ATP2A2: variants seen among roughly 807,000 people sequenced by gnomAD.
ATP2A2 encodes ATPase sarcoplasmic/endoplasmic reticulum Ca2+ transporting 2.
In ATP2A2, 14 loss-of-function variants were observed where a neutral mutation model predicts 109.3. That is an observed-to-expected ratio of 0.13 (90% CI 0.08 to 0.20). The LOEUF is 0.20. ATP2A2 is among the 10% of genes least tolerant of loss of function. The pLI is 1.00. For synonymous variants in ATP2A2, 506 were observed against 490.9 expected, an observed-to-expected ratio of 1.03 and a Z score of -0.41; for missense variants, 657 against 1,321.6, an observed-to-expected ratio of 0.50 and a Z score of 7.80.
At position 110,301,562 on chromosome 12, in the gene ATP2A2, T is replaced by C. The variant is rs139386903; in HGVS notation, c.463+4825T>C. Among the ~76,000 whole-genome samples the C allele has an allele frequency of 6.9e-3, 1,046 of 152,310 alleles. 1 individual carries two copies. The highest frequency in any genetic ancestry group is 9.4e-3 in the Non-Finnish European group (642 of 68,028). ...AACTCCGTTTCCTTGGTCAGCACACTAGTCTAGCCATCATCTCACACCGCA... is the reference window on the plus strand; with the variant it reads ...AACTCCGTTTCCTTGGTCAGCACACCAGTCTAGCCATCATCTCACACCGCA... On this transcript the variant is annotated intron_variant, in intron 5 of 19. Transcript: ENST00000539276.
In ATP2A2 at chr12:110,302,568, ATTT is replaced by A. The variant is rs1322525268; in HGVS notation, c.463+5834_463+5836del. ...TGACGTTGGGCTCTGTTTTTCTTTA[ATTT>A]TTATTTTTATTACTATTATTATTAT... On this transcript the variant is annotated intron_variant, in intron 5 of 19. Transcript: ENST00000539276. Among the ~76,000 whole-genome samples, 529 of 128,368 alleles carry A rather than the reference ATTT, an allele frequency of 4.1e-3. 5 individuals are homozygous for A. Among genetic ancestry groups the A allele is most frequent in the African/African-American group, 0.016 (515 of 32,164 alleles). 84.2% of individuals were successfully genotyped at this position (128,368 alleles called of 152,430 possible). A position where few individuals can be genotyped will look rare whatever the true frequency, so the allele number is the denominator to read the frequency against.
Position 110,347,582 on chromosome 12 carries a change from G to T in ATP2A2, c.*1112G>T, listed in dbSNP as rs1427684797. On this transcript the variant is annotated 3_prime_UTR_variant, in exon 20 of 20. Coordinates refer to ENST00000539276, the MANE Select transcript of ATP2A2 (RefSeq NM_170665.4). Reference sequence around the variant, plus strand: ...GGCAAGTGTGTATGTGTGTGTATGTGTGTGTTTTGTAAAATCTGTAAATAG... The same window carrying T: ...GGCAAGTGTGTATGTGTGTGTATGTTTGTGTTTTGTAAAATCTGTAAATAG... 1.6e-6 allele frequency: 2 copies of T among 1,247,088 alleles called. No homozygotes were observed. The highest frequency in any genetic ancestry group is 2.6e-5 in the Admixed American group (1 of 38,060). The allele number at this position is 1,247,088 out of a possible 1,614,324, so 77.3% of individuals were successfully genotyped here.
intron 1 of ATP2A2, 66 bp from the exon 2 acceptor site, chr12:110,282,538 G>C: frequency 1.3e-6 from 2 of 1,577,846 alleles, no homozygotes; most frequent in Non-Finnish European, 1.7e-6. Context: ...GTGCTAAAAT[G>C]TCTCTCTCTT....
At chr12:110,306,364 T>A (rs1252266829) in intron 5 of ATP2A2, among the ~76,000 whole-genome samples, 4 of 152,170 alleles carry the variant, frequency 2.6e-5, no homozygotes, top group Admixed American at 6.5e-5. Flanking sequence ...TTAATTAAAA[T>A]TTTTAGATTC....
At position 110,281,665 on chromosome 12, in the gene ATP2A2, G is replaced by A. The variant is rs1872097362; in HGVS notation, c.-125G>A. 1.9e-6 allele frequency: 1 copy of A among 522,830 alleles called. No individual in the cohort carries two copies. The highest frequency in any genetic ancestry group is 3.8e-5 in the East Asian group (1 of 26,044). The allele number at this position is 522,830 out of a possible 1,614,324, so 32.4% of individuals were successfully genotyped here. On this transcript the variant is annotated 5_prime_UTR_variant, in exon 1 of 20. Transcript: ENST00000539276. Reference sequence around the variant, plus strand: ...CCCGGCGAGGCGGAAGCGGCCGCAAGAGGAGGAGGGGAGAGCCCGTCCGCG... The same window carrying A: ...CCCGGCGAGGCGGAAGCGGCCGCAAAAGGAGGAGGGGAGAGCCCGTCCGCG...
At chr12:110,282,297 C>A (rs1271201450) in intron 1 of ATP2A2, among the ~76,000 whole-genome samples, 1 of 152,228 alleles carries the variant, frequency 6.6e-6, no homozygotes, top group Non-Finnish European at 1.5e-5. Flanking sequence ...CCCAAAGTTA[C>A]ACATCTGGCA....
At chr12:110,318,707 C>T (rs1288497667) in intron 5 of ATP2A2, among the ~76,000 whole-genome samples, 1 of 152,224 alleles carries the variant, frequency 6.6e-6, no homozygotes, top group Non-Finnish European at 1.5e-5. Flanking sequence ...CTCCTGACCT[C>T]AGGTGATCTG....
chr12:110,350,455 G>T lies in ATP2A2; in HGVS notation c.*3985G>T. ...CCAACTCACTTTGTGTTATGTGGAG[G>T]AAATGTGTATTACCAATGGGGTTGT... On this transcript the variant is annotated 3_prime_UTR_variant, in exon 20 of 20. Transcript: ENST00000539276. The T allele has an allele frequency of 8.8e-6, 11 of 1,254,078 alleles. No homozygotes were observed. Among genetic ancestry groups the T allele is most frequent in the Non-Finnish European group, 1.3e-5 (11 of 869,426 alleles). The allele number at this position is 1,254,078 out of a possible 1,614,324, so 77.7% of individuals were successfully genotyped here.
intron 3 of ATP2A2, 100 bp from the exon 4 acceptor site, chr12:110,291,920 T>A: frequency 3.7e-6 from 4 of 1,073,306 alleles, no homozygotes; most frequent in Middle Eastern, 4.0e-4. Context: ...GTGCTGGGAT[T>A]ACAGGCCTGA....
intron 4 of ATP2A2, among the ~76,000 whole-genome samples, chr12:110,293,937 T>C: frequency 6.9e-6 from 1 of 145,234 alleles, no homozygotes. Context: ...AGTGCAGTGG[T>C]GTGATTTTGG....
At chr12:110,314,217 A>G (rs1876412126) in intron 5 of ATP2A2, among the ~76,000 whole-genome samples, 1 of 152,012 alleles carries the variant, frequency 6.6e-6, no homozygotes, top group East Asian at 2.0e-4. Flanking sequence ...AATCCCAACT[A>G]CTTGGGAGGC....
intron 3 of ATP2A2, among the ~76,000 whole-genome samples, chr12:110,283,510 A>G (rs1187129313): frequency 6.6e-6 from 1 of 152,226 alleles, no homozygotes; most frequent in African/African-American, 2.4e-5. Context: ...TACAGCAGAA[A>G]AAGGGTGTTG....
chr12:110,323,179 CCTCT>C (rs1592839933), intron 6 of ATP2A2, 107 bp downstream of exon 6: 8 of 875,740 alleles, frequency 9.1e-6, no homozygotes, highest in Non-Finnish European at 1.3e-5. Context: ...CCATCTTAAT[CCTCT>C]CTAAGATACT....
chr12:110,340,566 A>G lies in ATP2A2; in HGVS notation c.1762-93A>G. On this transcript the variant is annotated intron_variant, in intron 13 of 19. Coordinates refer to ENST00000539276, the MANE Select transcript of ATP2A2 (RefSeq NM_170665.4). This position sits in a 1 kb window ranked among gnomAD's most constrained non-coding sequence, Gnocchi z 6.0. ...AAAAAAAAAAAGAAAAAAAATGCAG[A>G]AACCTGTCTCAATGTTTAACTGGGC... is the stretch of plus-strand genomic sequence containing the variant. The G allele has an allele frequency of 3.6e-6, 5 of 1,372,778 alleles. No individual in the cohort carries two copies. Among genetic ancestry groups the G allele is most frequent in the African/African-American group, 1.5e-5 (1 of 68,314 alleles). The allele number at this position is 1,372,778 out of a possible 1,614,324, so 85.0% of individuals were successfully genotyped here.
chr12:110,322,532 G>A (rs1170232049), intron 5 of ATP2A2, among the ~76,000 whole-genome samples: 1 of 151,896 alleles, frequency 6.6e-6, no homozygotes, highest in Non-Finnish European at 1.5e-5. Context: ...CATGTGTTTC[G>A]TTAATTGAAT....
At chr12:110,330,554 CTT>C (rs981121795) in intron 8 of ATP2A2, 4 of 152,130 alleles carry the variant, frequency 2.6e-5, no homozygotes, top group African/African-American at 9.7e-5. Flanking sequence ...TCAGAATAGT[CTT>C]TATGTCTGTG....
chr12:110,301,812 G>A (rs1001254342), intron 5 of ATP2A2, among the ~76,000 whole-genome samples: 1 of 152,130 alleles, frequency 6.6e-6, no homozygotes, highest in African/African-American at 2.4e-5. Flanking sequence ...TTCATCTTGT[G>A]CTGCTCCTTC....
intron 5 of ATP2A2, among the ~76,000 whole-genome samples, chr12:110,318,108 T>A (rs1194674185): frequency 1.3e-5 from 2 of 152,220 alleles, no homozygotes; most frequent in Non-Finnish European, 2.9e-5. Flanking sequence ...CAGGATGTGA[T>A]CATCGGAACA....
At chr12:110,326,605 A>C (rs2137813162) in intron 7 of ATP2A2, 130 bp downstream of exon 7, 1 of 970,724 alleles carries the variant, frequency 1.0e-6, no homozygotes, top group East Asian at 2.7e-5. Flanking sequence ...GGTCAGTCTT[A>C]GGTGTCAGAA....
Sources: gnomAD v4.1 joint callset for allele counts (sites outside exome capture counted in the v4.1 genomes callset) on GRCh38, gnomAD v4.1.1 for gene constraint, Gnocchi (gnomAD v3.1) non-coding constraint, MANE v1.5 for transcripts, NCBI Gene and HGNC (gene_info 2026-07-23, HGNC 2026-07-21) for gene names.